PTPRM: variants seen among roughly 807,000 people sequenced by gnomAD.
The protein encoded by PTPRM is receptor-type tyrosine-protein phosphatase mu.
A neutral mutation model predicts 186.7 loss-of-function variants in PTPRM; 47 were observed. The ratio of observed to expected loss-of-function variants is 0.25; its 90% CI spans 0.20 to 0.32. The LOEUF is 0.32. PTPRM is among the 10% of genes least tolerant of loss of function. PTPRM has a pLI of 1.00. For synonymous variants in PTPRM, 668 were observed against 674.9 expected, an observed-to-expected ratio of 0.99 and a Z score of 0.16; for missense variants, 1,494 against 1,865.0, an observed-to-expected ratio of 0.80 and a Z score of 3.66.
intron 7 of PTPRM, among the ~76,000 whole-genome samples, chr18:8,022,719 T>A (rs921957771): frequency 1.3e-5 from 2 of 152,154 alleles, no homozygotes; most frequent in Non-Finnish European, 2.9e-5. Context: ...ATGTTCCCTT[T>A]GCAGCAATAC....
chr18:7,783,995 C>T (rs1296136933), intron 2 of PTPRM, among the ~76,000 whole-genome samples: 1 of 151,898 alleles, frequency 6.6e-6, no homozygotes, highest in East Asian at 1.9e-4. Context: ...GCCCACTGGC[C>T]AGTGGATGGT....
intron 1 of PTPRM, among the ~76,000 whole-genome samples, chr18:7,744,655 C>T (rs983267765): frequency 6.6e-6 from 1 of 151,938 alleles, no homozygotes; most frequent in African/African-American, 2.4e-5. Flanking sequence ...ATAAATGAAC[C>T]AGAGGCTAGG....
rs1014859987 is a variant in PTPRM at position 7,884,113 on chromosome 18, C to T, written c.197-3993C>T. 3.9e-5 allele frequency among the ~76,000 whole-genome samples: 6 copies of T among 152,150 alleles called. No individual in the cohort carries two copies. In the East Asian group the frequency reaches 1.2e-3, roughly 29 times the overall value. On this transcript the variant is annotated intron_variant, in intron 2 of 32. Coordinates refer to ENST00000580170, the MANE Select transcript of PTPRM (RefSeq NM_001105244.2). ...TATGAGCCGTGACTCTGCCACTGCA[C>T]TCCAGCCTGGGGGACAGAGTGAGAC...
chr18:8,170,762 A>G lies in PTPRM; in HGVS notation c.2300+26983A>G, dbSNP rs542402844. 1.8e-3 allele frequency among the ~76,000 whole-genome samples: 267 copies of G among 152,288 alleles called. 1 individual carries two copies. The highest frequency in any genetic ancestry group is 6.1e-3 in the African/African-American group (253 of 41,556). ...CCTGGCATTATTATTGTAACTGAGT[A>G]GAAGGCCATGAGATCATAGCCTCTC... On this transcript the variant is annotated intron_variant, in intron 14 of 32. Coordinates refer to ENST00000580170, the MANE Select transcript of PTPRM (RefSeq NM_001105244.2).
At chr18:8,096,708 C>T (rs1321100585) in intron 11 of PTPRM, among the ~76,000 whole-genome samples, 3 of 152,224 alleles carry the variant, frequency 2.0e-5, no homozygotes, top group African/African-American at 7.2e-5. Flanking sequence ...TTCTTAATCA[C>T]AGTTATTGAT....
chr18:7,911,948 G>A (rs1372454526), intron 4 of PTPRM, among the ~76,000 whole-genome samples: 2 of 138,806 alleles, frequency 1.4e-5, no homozygotes, highest in African/African-American at 5.6e-5. Context: ...CGCCTCCCAC[G>A]TTTAAGTGAT....
chr18:8,405,766 C>T (rs1187483341), intron 32 of PTPRM, among the ~76,000 whole-genome samples: 3 of 152,178 alleles, frequency 2.0e-5, no homozygotes, highest in Non-Finnish European at 2.9e-5. Flanking sequence ...CTGAAGCACT[C>T]GTTACTTTCT....
intron 2 of PTPRM, among the ~76,000 whole-genome samples, chr18:7,810,152 C>T (rs879780593): frequency 4.6e-5 from 7 of 152,160 alleles, no homozygotes; most frequent in Admixed American, 6.5e-5. Flanking sequence ...CGCACCTACC[C>T]GCTGCCTTTG....
At chr18:7,800,671 G>A (rs1419845939) in intron 2 of PTPRM, among the ~76,000 whole-genome samples, 1 of 152,160 alleles carries the variant, frequency 6.6e-6, no homozygotes, top group Non-Finnish European at 1.5e-5. Context: ...ATAGTCATGT[G>A]TCTTTTAATA....
intron 13 of PTPRM, among the ~76,000 whole-genome samples, chr18:8,117,073 AT>A (rs2091984996): frequency 6.6e-6 from 1 of 152,212 alleles, no homozygotes; most frequent in Non-Finnish European, 1.5e-5. Context: ...GGACGGATTC[AT>A]CAACCCTCCT....
chr18:8,366,640 T>C (rs2095630989), intron 23 of PTPRM, among the ~76,000 whole-genome samples: 1 of 152,220 alleles, frequency 6.6e-6, no homozygotes, highest in Non-Finnish European at 1.5e-5. Context: ...GTTTCTGTGC[T>C]GTTTCGTGTT....
intron 1 of PTPRM, among the ~76,000 whole-genome samples, chr18:7,607,156 G>A (rs1373629459): frequency 6.6e-6 from 1 of 152,124 alleles, no homozygotes; most frequent in African/African-American, 2.4e-5. Flanking sequence ...AAAGTTGCCA[G>A]TGTTACTGCA....
intron 2 of PTPRM, among the ~76,000 whole-genome samples, chr18:7,842,841 TAGAGAGAGAGAGAGAGAAAC>T (rs2046394893): frequency 1.5e-5 from 2 of 134,520 alleles, no homozygotes; most frequent in Admixed American, 7.7e-5. Context: ...TATATATATA[TAGAGAGAGAGAGAGAGAAAC>T]ATATATATAT....
At chr18:8,129,925 A>G (rs538426368) in intron 13 of PTPRM, among the ~76,000 whole-genome samples, 8 of 152,330 alleles carry the variant, frequency 5.3e-5, no homozygotes, top group Non-Finnish European at 1.0e-4. Context: ...GAGAAAAAGC[A>G]CAGTCCTTAG....
intron 2 of PTPRM, among the ~76,000 whole-genome samples, chr18:7,877,222 G>A (rs2048290306): frequency 6.6e-6 from 1 of 152,046 alleles, no homozygotes; most frequent in Admixed American, 6.6e-5. Flanking sequence ...AGACTTGGTA[G>A]CATCTAAGCA....
At chr18:7,863,888 C>T (rs1017416377) in intron 2 of PTPRM, among the ~76,000 whole-genome samples, 2 of 152,116 alleles carry the variant, frequency 1.3e-5, no homozygotes, top group Non-Finnish European at 2.9e-5. Flanking sequence ...TAATGGTCAC[C>T]ATTGTAACTG....
intron 1 of PTPRM, among the ~76,000 whole-genome samples, chr18:7,752,444 G>A (rs528818370): frequency 1.3e-5 from 2 of 152,070 alleles, no homozygotes; most frequent in Non-Finnish European, 2.9e-5. Flanking sequence ...TTTTTAAGAC[G>A]GAGTCTCTTG....
intron 1 of PTPRM, among the ~76,000 whole-genome samples, chr18:7,633,175 T>A (rs1234629231): frequency 1.3e-5 from 2 of 152,204 alleles, no homozygotes; most frequent in African/African-American, 4.8e-5. Flanking sequence ...TGGAGGTGTG[T>A]AAGTCGGCTT....
chr18:8,166,212 A>G (rs928723381), intron 14 of PTPRM, among the ~76,000 whole-genome samples: 7 of 152,150 alleles, frequency 4.6e-5, no homozygotes, highest in African/African-American at 7.2e-5. Flanking sequence ...AGCTCTGAGA[A>G]GTGGCTTGGC....
Sources: allele counts gnomAD v4.1 joint callset (sites outside exome capture counted in the v4.1 genomes callset), GRCh38; gene constraint gnomAD v4.1.1; transcripts MANE v1.5; gene names NCBI Gene and HGNC (gene_info 2026-07-23, HGNC 2026-07-21).